The following FIGN variants were observed in gnomAD, a reference collection of about 807,000 sequenced individuals.
The protein encoded by FIGN is fidgetin, microtubule severing factor.
In FIGN, 11 loss-of-function variants were observed where a neutral mutation model predicts 51.3. The ratio of observed to expected loss-of-function variants is 0.21; its 90% CI spans 0.13 to 0.35. FIGN has a LOEUF of 0.35. Ranked by LOEUF, FIGN falls within the 10% of genes least tolerant of loss-of-function variation. The pLI, the probability that FIGN is intolerant of heterozygous loss-of-function variation, is 1.00. For synonymous variants in FIGN, 407 were observed against 363.2 expected (o/e 1.12, Z -1.37); for missense variants, 857 against 943.6 (o/e 0.91, Z 1.20).
intron 2 of FIGN, among the ~76,000 whole-genome samples, chr2:163,667,630 T>C (rs1165459194): frequency 6.6e-6 from 1 of 152,216 alleles, no homozygotes; most frequent in Non-Finnish European, 1.5e-5. Context: ...TCCTTTCCCA[T>C]TGTTTACTTG....
At position 163,609,674 on chromosome 2, in the gene FIGN, G is replaced by C. The variant is rs1450081315; in HGVS notation, c.2158C>G (p.Gln720Glu). Residue 720 changes from glutamine to glutamate, a missense_variant, in exon 3 of 3, where the codon CAG becomes GAG. This residue lies in a region of FIGN where 799 missense variants were observed against 849.5 expected (regional missense o/e 0.94). Transcript: ENST00000333129. ...ATDLSAIMPS[Q>E]LRPVTYQDFE... ...TCTTGATATGTAACGGGCCTCAACTGGCTGGGCATAATGGCTGAAAGGTCT... is the reference window on the plus strand; with the variant it reads ...TCTTGATATGTAACGGGCCTCAACTCGCTGGGCATAATGGCTGAAAGGTCT... The C allele has an allele frequency of 6.2e-7, 1 of 1,614,110 alleles. No individual in the cohort carries two copies. Among genetic ancestry groups the C allele is most frequent in the Middle Eastern group, 1.6e-4 (1 of 6,062 alleles).
chr2:163,702,557 T>C (rs1401419872), intron 2 of FIGN, among the ~76,000 whole-genome samples: 2 of 152,062 alleles, frequency 1.3e-5, no homozygotes, highest in African/African-American at 2.4e-5. Flanking sequence ...AAAGTTATGG[T>C]TGTAGCTCCA....
intron 2 of FIGN, among the ~76,000 whole-genome samples, chr2:163,663,031 A>T (rs1045888556): frequency 6.6e-6 from 1 of 152,140 alleles, no homozygotes; most frequent in Admixed American, 6.5e-5. Context: ...CTTTGTCAGC[A>T]GCTTGAAAAC....
chr2:163,647,475 G>A (rs747312484), intron 2 of FIGN, among the ~76,000 whole-genome samples: 1 of 152,148 alleles, frequency 6.6e-6, no homozygotes, highest in Non-Finnish European at 1.5e-5. Flanking sequence ...GATATGGACA[G>A]AAAGAAAAAC....
intron 2 of FIGN, among the ~76,000 whole-genome samples, chr2:163,653,333 G>A (rs543777733): frequency 3.6e-4 from 54 of 152,044 alleles, no homozygotes; most frequent in Non-Finnish European, 6.8e-4. Context: ...TAGTTCTTGA[G>A]TTTATGCACT....
At chr2:163,661,837 C>T (rs1162169470) in intron 2 of FIGN, among the ~76,000 whole-genome samples, 1 of 152,116 alleles carries the variant, frequency 6.6e-6, no homozygotes, top group Non-Finnish European at 1.5e-5. Context: ...TGCCTTTCGC[C>T]TCCTGCCATG....
chr2:163,697,757 G>A (rs372735039), intron 2 of FIGN, among the ~76,000 whole-genome samples: 11 of 152,108 alleles, frequency 7.2e-5, no homozygotes, highest in Non-Finnish European at 1.5e-4. Flanking sequence ...TGGTTTTCTC[G>A]TGTATAAAAT....
Position 163,610,165 on chromosome 2 carries a change from A to G in FIGN, c.1667T>C (p.Val556Ala). 2 of 1,614,122 alleles carry G rather than the reference A, an allele frequency of 1.2e-6. No individual in the cohort carries two copies. The highest frequency in any genetic ancestry group is 1.3e-5 in the African/African-American group (1 of 75,042). ...CTCTGCTTCTCCTAACCACTTGGCGACTAGTCCAGAACCGGCAATTTTGAA... is the reference window on the plus strand; with the variant it reads ...CTCTGCTTCTCCTAACCACTTGGCGGCTAGTCCAGAACCGGCAATTTTGAA... Reference protein sequence around the residue: ...TFFKIAGSGLVAKWLGEAEKI... With the variant: ...TFFKIAGSGLAAKWLGEAEKI... The change falls in exon 3 of 3, where the codon GTC becomes GCC. Residue 556 changes from valine to alanine, a missense_variant. By Grantham distance (64) the Val-to-Ala change is moderately conservative. Transcript: ENST00000333129.
chr2:163,634,879 C>T (rs1683201922), intron 2 of FIGN, among the ~76,000 whole-genome samples: 1 of 152,156 alleles, frequency 6.6e-6, no homozygotes, highest in Non-Finnish European at 1.5e-5. Flanking sequence ...TCTTTCACTA[C>T]TAGGCTGTCT....
At chr2:163,731,102 C>A (rs1334258127) in intron 2 of FIGN, among the ~76,000 whole-genome samples, 2 of 152,250 alleles carry the variant, frequency 1.3e-5, no homozygotes, top group Admixed American at 6.5e-5. Flanking sequence ...TCATTCAAGG[C>A]ATCCAAACAC....
At chr2:163,728,425 C>G (rs1158015278) in intron 2 of FIGN, among the ~76,000 whole-genome samples, 1 of 151,786 alleles carries the variant, frequency 6.6e-6, no homozygotes, top group Admixed American at 6.6e-5. Flanking sequence ...CACACACACA[C>G]ACACACACAC....
intron 2 of FIGN, among the ~76,000 whole-genome samples, chr2:163,701,766 T>G (rs1684411396): frequency 6.6e-6 from 1 of 152,194 alleles, no homozygotes; most frequent in African/African-American, 2.4e-5. Flanking sequence ...CCCATTTTTA[T>G]TAAGATTTCT....
rs112052578 is a variant in FIGN at position 163,693,068 on chromosome 2, G to T, written c.25+41835C>A. 3.3e-5 allele frequency among the ~76,000 whole-genome samples: 5 copies of T among 152,298 alleles called. No homozygotes were observed. The East Asian group carries it at 9.6e-4, about 29-fold the overall frequency. On this transcript the variant is annotated intron_variant, in intron 2 of 2. Transcript: ENST00000333129. ...CTAAGGAAACTGAAGGCAACTCCAG[G>T]CAGCAGGGCAGAGTGAACCAGAGCT...
chr2:163,686,758 G>GTATA (rs368972073), intron 2 of FIGN, among the ~76,000 whole-genome samples: 31 of 136,796 alleles, frequency 2.3e-4, no homozygotes, highest in East Asian at 6.2e-4. Context: ...GTATGTATGT[G>GTATA]TATATATATA....
At chr2:163,659,706 G>T (rs1220363157) in intron 2 of FIGN, among the ~76,000 whole-genome samples, 3 of 152,324 alleles carry the variant, frequency 2.0e-5, no homozygotes, top group Admixed American at 2.0e-4. Flanking sequence ...TTTCTTACCA[G>T]GGTAATTAGA....
intron 2 of FIGN, among the ~76,000 whole-genome samples, chr2:163,682,042 C>A (rs1684073331): frequency 6.6e-6 from 1 of 152,110 alleles, no homozygotes; most frequent in African/African-American, 2.4e-5. Flanking sequence ...TGCTAAGAGA[C>A]CAAGACTGCG....
chr2:163,643,733 C>T lies in FIGN; in HGVS notation c.26-31927G>A, dbSNP rs1205057874. ...CTTCGGGAGGCTGAGGCGGGTGGATCACCTGAAGTCAGGAGTTTGAGACTA... is the reference window on the plus strand; with the variant it reads ...CTTCGGGAGGCTGAGGCGGGTGGATTACCTGAAGTCAGGAGTTTGAGACTA... On this transcript the variant is annotated intron_variant, in intron 2 of 2. Coordinates refer to ENST00000333129, the MANE Select transcript of FIGN (RefSeq NM_018086.4). Among the ~76,000 whole-genome samples the T allele has an allele frequency of 4.2e-5, 6 of 143,956 alleles. No homozygotes were observed. In the East Asian group the frequency reaches 1.2e-3, roughly 30 times the overall value. 94.4% of individuals were successfully genotyped at this position (143,956 alleles called of 152,430 possible).
chr2:163,644,980 A>C (rs996719224), intron 2 of FIGN, among the ~76,000 whole-genome samples: 1 of 152,168 alleles, frequency 6.6e-6, no homozygotes, highest in African/African-American at 2.4e-5. Flanking sequence ...TCTATCTGAG[A>C]TAAGAAAAAT....
In FIGN at chr2:163,603,782, G is replaced by A. The variant is rs1017362013; in HGVS notation, c.*5770C>T. 1.3e-5 allele frequency: 2 copies of A among 152,092 alleles called. No individual in the cohort carries two copies. The highest frequency in any genetic ancestry group is 2.4e-5 in the African/African-American group (1 of 41,438). 9.4% of individuals were successfully genotyped at this position (152,092 alleles called of 1,614,324 possible). ...AAGTCCATTCATCGATTGGGTGGGT[G>A]GTGAACCCCTTTCAGCATTTTTTAA... On this transcript the variant is annotated 3_prime_UTR_variant, in exon 3 of 3. Transcript: ENST00000333129.
Sources: gnomAD v4.1 joint callset for allele counts (sites outside exome capture counted in the v4.1 genomes callset) on GRCh38, gnomAD v4.1.1 for gene constraint, gnomAD v4.1.1 regional missense constraint, MANE v1.5 for transcripts, NCBI Gene and HGNC (gene_info 2026-07-23, HGNC 2026-07-21) for gene names.